The following NOL12 variants were observed in gnomAD, a reference collection of about 807,000 sequenced individuals.
NOL12 encodes nucleolar protein 12.
NOL12 carries 21 observed loss-of-function variants against 25.2 expected under a neutral mutation model. The ratio of observed to expected loss-of-function variants is 0.83; its 90% confidence interval spans 0.59 to 1.20. NOL12 has a LOEUF of 1.20. Ranked by LOEUF, NOL12 falls within the 50% of genes most tolerant of loss-of-function variation. NOL12 has a pLI of 0.00. For missense variants in NOL12, 286 were observed against 287.6 expected, an observed-to-expected ratio of 0.99 and a Z score of 0.04; for synonymous variants, 133 against 113.8, an observed-to-expected ratio of 1.17 and a Z score of -1.08.
In NOL12 at chr22:37,686,367, G is replaced by C. The variant is rs754142361; in HGVS notation, c.-26G>C. ...CGCTACACCCGGAAGTGTCTTCAGGGAGAGGAAGCCGGCGGCCTCACTGCT... is the reference window on the plus strand; with the variant it reads ...CGCTACACCCGGAAGTGTCTTCAGGCAGAGGAAGCCGGCGGCCTCACTGCT... On this transcript the variant is annotated 5_prime_UTR_variant, in exon 1 of 6. Transcript: ENST00000359114. 1.3e-6 allele frequency: 2 copies of C among 1,580,946 alleles called. No individual in the cohort carries two copies. The highest frequency in any genetic ancestry group is 1.7e-6 in the Non-Finnish European group (2 of 1,166,920).
chr22:37,690,800 T>A lies in NOL12; in HGVS notation c.479+6T>A, dbSNP rs1349888582. The A allele has an allele frequency of 1.2e-6, 2 of 1,605,818 alleles. No individual in the cohort carries two copies. The highest frequency in any genetic ancestry group is 4.5e-5 in the East Asian group (2 of 44,788). On this transcript the variant is annotated splice_donor_region_variant and intron_variant, in intron 5 of 5. Transcript: ENST00000359114. Reference sequence around the variant, plus strand: ...GACCCCCTGCTCTCTCAGCGGTGAGTCTTGGCCTGCTGCCTCCCCGGTCCC... The same window carrying A: ...GACCCCCTGCTCTCTCAGCGGTGAGACTTGGCCTGCTGCCTCCCCGGTCCC...
At chr22:37,689,295 A>G (rs995333658) in intron 4 of NOL12, among the ~76,000 whole-genome samples, 2 of 152,162 alleles carry the variant, frequency 1.3e-5, no homozygotes, top group Non-Finnish European at 1.5e-5. Flanking sequence ...CCCTTTCTCC[A>G]TCAGTGAACT....
At position 37,692,311 on chromosome 22, in the gene NOL12, C is replaced by A. The variant is rs1922106480; in HGVS notation, c.*975C>A. ...GGCGGAGGCTGCAGTGAGCCGAGAT[C>A]ACGCCATTGCACTCCAGCCTGGGCA... On this transcript the variant is annotated 3_prime_UTR_variant, in exon 6 of 6. Coordinates refer to ENST00000359114, the MANE Select transcript of NOL12 (RefSeq NM_024313.3). 1.3e-5 allele frequency: 5 copies of A among 391,346 alleles called. No individual in the cohort carries two copies. Among genetic ancestry groups the A allele is most frequent in the Non-Finnish European group, 2.3e-5 (5 of 222,022 alleles). The allele number at this position is 391,346 out of a possible 1,614,324, so 24.2% of individuals were successfully genotyped here. A position where few individuals can be genotyped will look rare whatever the true frequency, so the allele number is the denominator to read the frequency against.
In NOL12 at chr22:37,686,361, T is replaced by C. The variant is rs1921810581; in HGVS notation, c.-32T>C. On this transcript the variant is annotated 5_prime_UTR_variant, in exon 1 of 6. Transcript: ENST00000359114. ...TGAGTACGCTACACCCGGAAGTGTC[T>C]TCAGGGAGAGGAAGCCGGCGGCCTC... 1.3e-6 allele frequency: 2 copies of C among 1,575,344 alleles called. No individual in the cohort carries two copies. Among genetic ancestry groups the C allele is most frequent in the African/African-American group, 2.7e-5 (2 of 73,428 alleles).
rs182620055 is a variant in NOL12 at position 37,690,737 on chromosome 22, C to T, written c.422C>T (p.Thr141Met). 64 of 1,613,926 alleles carry T rather than the reference C, an allele frequency of 4.0e-5. No individual in the cohort carries two copies. Among genetic ancestry groups the T allele is most frequent in the Admixed American group, 6.7e-5 (4 of 59,980 alleles). The change falls in exon 5 of 6, where the codon ACG (threonine) becomes ATG (methionine). Residue 141 changes from threonine to methionine, a missense_variant. Thr to Met is a moderately conservative substitution (Grantham distance 81). Coordinates refer to ENST00000359114, the MANE Select transcript of NOL12 (RefSeq NM_024313.3). ...GDRSEEEASS[T>M]EKPTKALPRK... ...AGGTCTGAGGAGGAGGCGTCATCCA[C>T]GGAGAAACCAACCAAAGCCTTGCCC...
Position 37,690,694 on chromosome 22 carries a change from T to C in NOL12, c.382-3T>C, listed in dbSNP as rs1160583716. 5 of 1,610,894 alleles carry C rather than the reference T, an allele frequency of 3.1e-6. No homozygotes were observed. The highest frequency in any genetic ancestry group is 1.7e-5 in the Admixed American group (1 of 59,818). On this transcript the variant is annotated splice_polypyrimidine_tract_variant and splice_region_variant and intron_variant, in intron 4 of 5. Coordinates refer to ENST00000359114, the MANE Select transcript of NOL12 (RefSeq NM_024313.3). ...TGTAAGTCATTGTCTTGTGCCTCTT[T>C]AGGGAGGGGCTGGAGACAGGTCTGA...
chr22:37,689,114 G>A, intron 4 of NOL12, 122 bp downstream of exon 4: 1 of 1,224,792 alleles, frequency 8.2e-7, no homozygotes. Flanking sequence ...AGGGGCGTGG[G>A]GGCAGACTGG....
Position 37,691,741 on chromosome 22 carries a change from C to T in NOL12, c.*405C>T, listed in dbSNP as rs1922077127. 5.7e-6 allele frequency: 1 copy of T among 174,028 alleles called. No individual in the cohort carries two copies. The highest frequency in any genetic ancestry group is 1.9e-4 in the South Asian group (1 of 5,262). The allele number at this position is 174,028 out of a possible 1,614,324, so 10.8% of individuals were successfully genotyped here. ...TCTCCAGCAGTTAGCCCTGTGGCTG[C>T]AATAAAGTACAGTTCTCCCTGTGTT... On this transcript the variant is annotated 3_prime_UTR_variant, in exon 6 of 6. Transcript: ENST00000359114.
chr22:37,687,311 C>G (rs1316798412), intron 1 of NOL12, among the ~76,000 whole-genome samples: 4 of 143,862 alleles, frequency 2.8e-5, no homozygotes, highest in Admixed American at 7.0e-5. Flanking sequence ...ACCTGAGATC[C>G]CTGGAGAGTA....
chr22:37,687,185 G>A lies in NOL12; in HGVS notation c.83+710G>A, dbSNP rs1921853577. On this transcript the variant is annotated intron_variant, in intron 1 of 5. Transcript: ENST00000359114. Reference sequence around the variant, plus strand: ...GGTTTCCGAAGGTCTGGATGGTGGTGGCCCTGAAAACCCTGTTGAGAGAGT... The same window carrying A: ...GGTTTCCGAAGGTCTGGATGGTGGTAGCCCTGAAAACCCTGTTGAGAGAGT... The A allele has an allele frequency of 3.9e-6, 3 of 765,314 alleles. No individual in the cohort carries two copies. In the South Asian group the frequency reaches 1.8e-4, roughly 45 times the overall value. The allele number at this position is 765,314 out of a possible 1,614,324, so 47.4% of individuals were successfully genotyped here.
chr22:37,688,733 G>T, intron 3 of NOL12, 117 bp from the exon 4 acceptor site: 2 of 1,021,448 alleles, frequency 2.0e-6, no homozygotes, highest in Non-Finnish European at 1.5e-6. Flanking sequence ...CAGTGACCTT[G>T]TGGATGCGCT....
At position 37,688,370 on chromosome 22, in the gene NOL12, A is replaced by G; in HGVS notation, c.238+10A>G. ...AGAGAAGAGGCTCTGGGTAAGTGGC[A>G]TGCTTGGCCTGACCTGGAGAACAGC... On this transcript the variant is annotated intron_variant, in intron 3 of 5. Transcript: ENST00000359114. 6.2e-7 allele frequency: 1 copy of G among 1,614,062 alleles called. No individual in the cohort carries two copies. Among genetic ancestry groups the G allele is most frequent in the Non-Finnish European group, 8.5e-7 (1 of 1,179,900 alleles).
Position 37,686,474 on chromosome 22 carries a change from C to G in NOL12, c.82C>G (p.Arg28Gly). 6.3e-7 allele frequency: 1 copy of G among 1,597,284 alleles called. No homozygotes were observed. Among genetic ancestry groups the G allele is most frequent in the Non-Finnish European group, 8.5e-7 (1 of 1,173,670 alleles). The change falls in exon 1 of 6, where the codon CGG (arginine) becomes GGG (glycine). Residue 28 changes from arginine to glycine, a missense_variant and splice_region_variant. Transcript: ENST00000359114. ...TCTTAGCTTCGACGAGGAGAAGAGG[C>G]GGTGAGTGGCAAAGCCGGACCGGAC... is the stretch of plus-strand genomic sequence containing the variant. ...LVLSFDEEKR[R>G]EYLTGFHKRK...
chr22:37,692,973 C>A lies in NOL12; in HGVS notation c.*1637C>A. The A allele has an allele frequency of 2.9e-6, 1 of 348,342 alleles. No individual in the cohort carries two copies. The highest frequency in any genetic ancestry group is 5.2e-6 in the Non-Finnish European group (1 of 194,006). The allele number at this position is 348,342 out of a possible 1,614,324, so 21.6% of individuals were successfully genotyped here. ...TGTGCTGAGCGCCTTGGCCTGGCTT[C>A]TTGGCTCCGCCCACCTGCTCTCCCT... On this transcript the variant is annotated 3_prime_UTR_variant, in exon 6 of 6. Coordinates refer to ENST00000359114, the MANE Select transcript of NOL12 (RefSeq NM_024313.3).
Position 37,689,833 on chromosome 22 carries a change from A to G in NOL12, c.381+841A>G, listed in dbSNP as rs1461318604. Among the ~76,000 whole-genome samples, 3 of 152,102 alleles carry G rather than the reference A, an allele frequency of 2.0e-5. No individual in the cohort carries two copies. In the East Asian group the frequency reaches 5.8e-4, roughly 30 times the overall value. On this transcript the variant is annotated intron_variant, in intron 4 of 5. Transcript: ENST00000359114. ...CACCTGGGGTCAGGAGTTTGAGACCAGCCTGGCCAACATGGTGAAACCCCG... is the reference window on the plus strand; with the variant it reads ...CACCTGGGGTCAGGAGTTTGAGACCGGCCTGGCCAACATGGTGAAACCCCG...
rs776811671 is a variant in NOL12, at chr22:37,688,826, C to G, written c.239-24C>G. 4.3e-6 allele frequency: 7 copies of G among 1,613,646 alleles called. No individual in the cohort carries two copies. In the South Asian group the frequency reaches 7.7e-5, roughly 18 times the overall value. On this transcript the variant is annotated intron_variant, in intron 3 of 5. Transcript: ENST00000359114. ...TGGTCACTCGTTCCCGTGACTGAGA[C>G]CAGGTCTGTGTCCACCCCCACAGAG...
At chr22:37,688,799 C>T (rs772608798) in intron 3 of NOL12, 51 bp from the exon 4 acceptor site, 10 of 1,606,926 alleles carry the variant, frequency 6.2e-6, no homozygotes, top group Non-Finnish European at 6.8e-6. Flanking sequence ...GAGGCTGGAG[C>T]CTGGTCACTC....
chr22:37,687,802 A>G, intron 1 of NOL12, 108 bp from the exon 2 acceptor site: 1 of 755,004 alleles, frequency 1.3e-6, no homozygotes, highest in Non-Finnish European at 2.2e-6. Flanking sequence ...CTTTTTTGGA[A>G]TGGTGCCTAG....
rs142253174 is a variant in NOL12 at position 37,687,082 on chromosome 22, T to C, written c.83+607T>C. On this transcript the variant is annotated intron_variant, in intron 1 of 5. Transcript: ENST00000359114. ...GAAATGCTGGGCATCATCAGGAAACTCCTAGCGTGCATCAACAGGCCCTAC... is the reference window on the plus strand; with the variant it reads ...GAAATGCTGGGCATCATCAGGAAACCCCTAGCGTGCATCAACAGGCCCTAC... 8 of 985,346 alleles carry C rather than the reference T, an allele frequency of 8.1e-6. No individual in the cohort carries two copies. In the East Asian group the frequency reaches 9.1e-4, roughly 112 times the overall value. The allele number at this position is 985,346 out of a possible 1,614,324, so 61.0% of individuals were successfully genotyped here.
Sources: allele counts gnomAD v4.1 joint callset (sites outside exome capture counted in the v4.1 genomes callset), GRCh38; gene constraint gnomAD v4.1.1; transcripts MANE v1.5; gene names NCBI Gene and HGNC (gene_info 2026-07-23, HGNC 2026-07-21).